The following ADAMTS9 variants were observed in gnomAD, a reference collection of about 807,000 sequenced individuals.
ADAMTS9 encodes A disintegrin and metalloproteinase with thrombospondin motifs 9.
A neutral mutation model predicts 257.1 loss-of-function variants in ADAMTS9; 107 were observed. The observed-to-expected ratio is 0.42, with a 90% CI of 0.36 to 0.49. The LOEUF is 0.49. Ranked by LOEUF, ADAMTS9 falls within the 20% of genes least tolerant of loss-of-function variation. The pLI is 0.03. For synonymous variants in ADAMTS9, 982 were observed against 880.9 expected (o/e 1.11, Z -2.03); for missense variants, 2,353 against 2,469.1 (o/e 0.95, Z 1.00).
chr3:64,542,212 T>C (rs1297904467), intron 32 of ADAMTS9, among the ~76,000 whole-genome samples: 1 of 139,786 alleles, frequency 7.2e-6, no homozygotes, highest in Non-Finnish European at 1.6e-5. Flanking sequence ...CACTTATATG[T>C]GTAATTTTAC....
At chr3:64,641,083 G>A (rs1342686422) in intron 12 of ADAMTS9, among the ~76,000 whole-genome samples, 1 of 151,744 alleles carries the variant, frequency 6.6e-6, no homozygotes, top group Non-Finnish European at 1.5e-5. Context: ...ACACATTATT[G>A]GTGGGAAAAA....
At chr3:64,536,323 G>A (rs1288079303) in intron 37 of ADAMTS9, among the ~76,000 whole-genome samples, 1 of 152,180 alleles carries the variant, frequency 6.6e-6, no homozygotes, top group Non-Finnish European at 1.5e-5. Context: ...GCTCTGCTCT[G>A]GGACATCTTT....
rs373061495 is a variant in ADAMTS9 at position 64,633,668 on chromosome 3, A to G, written c.2038+30T>C. The stretch of plus-strand genomic sequence containing the variant: ...GCCTGGCCTCAGTGCCGGCCGGCCA[A>G]CGGTGAACAGATACACCAGACACAC... On this transcript the variant is annotated intron_variant, in intron 13 of 39. Transcript: ENST00000498707. 1.1e-5 allele frequency: 17 copies of G among 1,613,820 alleles called. No homozygotes were observed. The South Asian group carries it at 1.6e-4, about 16-fold the overall frequency.
intron 27 of ADAMTS9, among the ~76,000 whole-genome samples, chr3:64,596,056 T>C (rs997423941): frequency 3.3e-5 from 5 of 152,206 alleles, no homozygotes; most frequent in Admixed American, 3.3e-4. Context: ...TACATTATAG[T>C]GGCAGTTAAT....
intron 28 of ADAMTS9, among the ~76,000 whole-genome samples, chr3:64,571,340 G>T (rs1365494117): frequency 6.6e-6 from 1 of 152,168 alleles, no homozygotes; most frequent in Admixed American, 6.5e-5. Context: ...TAACCACAAT[G>T]CTTTATATAG....
At chr3:64,675,703 C>T (rs911094715) in intron 3 of ADAMTS9, among the ~76,000 whole-genome samples, 10 of 152,152 alleles carry the variant, frequency 6.6e-5, no homozygotes, top group Admixed American at 5.9e-4. Context: ...TAGTATAGCA[C>T]ATTGGAAATA....
Position 64,658,493 on chromosome 3 carries a change from T to C in ADAMTS9, c.969+9A>G. 1 of 1,606,084 alleles carries C rather than the reference T, an allele frequency of 6.2e-7. No homozygotes were observed. Among genetic ancestry groups the C allele is most frequent in the Non-Finnish European group, 8.5e-7 (1 of 1,176,106 alleles). On this transcript the variant is annotated intron_variant, in intron 4 of 39. Transcript: ENST00000498707. ...ACCTCATAAATCACCTTCGTTTGAA[T>C]GTACTTACAATTGACATTAAAGTTA...
intron 28 of ADAMTS9, chr3:64,582,683 T>A (rs934895708): frequency 6.6e-6 from 1 of 152,190 alleles, no homozygotes; most frequent in Non-Finnish European, 1.5e-5. Flanking sequence ...AGGTCAAGGA[T>A]GCTGATAAGC....
intron 30 of ADAMTS9, among the ~76,000 whole-genome samples, chr3:64,559,473 C>T (rs1050863885): frequency 2.0e-5 from 3 of 152,184 alleles, no homozygotes; most frequent in African/African-American, 7.2e-5. Context: ...AAAGCGTGTT[C>T]CCAGGAGGGT....
chr3:64,529,915 C>A (rs949917448), intron 38 of ADAMTS9, among the ~76,000 whole-genome samples: 1 of 151,858 alleles, frequency 6.6e-6, no homozygotes, highest in Admixed American at 6.6e-5. Flanking sequence ...ACCACCCAGG[C>A]TCATCCTCAC....
At chr3:64,535,166 C>T (rs2083033997) in intron 37 of ADAMTS9, among the ~76,000 whole-genome samples, 1 of 152,050 alleles carries the variant, frequency 6.6e-6, no homozygotes, top group South Asian at 2.1e-4. Flanking sequence ...TCACCTGAGG[C>T]TGAGAGTTCA....
intron 38 of ADAMTS9, 36 bp from the exon 39 acceptor site, chr3:64,522,296 GGTTAAT>G: frequency 6.3e-7 from 1 of 1,594,774 alleles, no homozygotes; most frequent in Non-Finnish European, 8.6e-7. Flanking sequence ...CTGCCTGCTT[GGTTAAT>G]GCTTTCAGGG....
Position 64,686,749 on chromosome 3 carries a change from T to G in ADAMTS9, c.335A>C (p.Asn112Thr), listed in dbSNP as rs373736353. ...LSAFGQQFLF[N>T]LTANAGFIAP... Reference sequence around the variant, plus strand: ...GATAAATCCGGCATTGGCGGTGAGATTAAATAGAAACTGCTGGCCGAAGGC... The same window carrying G: ...GATAAATCCGGCATTGGCGGTGAGAGTAAATAGAAACTGCTGGCCGAAGGC... The change falls in exon 2 of 40, where the codon AAT becomes ACT. Residue 112 changes from asparagine (N) to threonine (T), a missense_variant. By Grantham distance (65) the Asn-to-Thr change is moderately conservative. Transcript: ENST00000498707. The surrounding 1 kb of genome is among the most constrained non-coding windows in gnomAD (Gnocchi z 4.6). 2 of 1,614,026 alleles carry G rather than the reference T, an allele frequency of 1.2e-6. No individual in the cohort carries two copies. The highest frequency in any genetic ancestry group is 1.3e-5 in the African/African-American group (1 of 74,980).
chr3:64,526,555 A>G lies in ADAMTS9; in HGVS notation c.5719-4295T>C, dbSNP rs187321507. Among the ~76,000 whole-genome samples, 30 of 152,264 alleles carry G rather than the reference A, an allele frequency of 2.0e-4. 1 individual carries two copies. The East Asian group carries it at 5.6e-3, about 28-fold the overall frequency. On this transcript the variant is annotated intron_variant, in intron 38 of 39. Transcript: ENST00000498707. ...CCAGACTAACTGGTCTTCAGTGAAG[A>G]ACTTTCTCACCTGGCTTAAGTATAG...
intron 29 of ADAMTS9, chr3:64,565,408 TAAGA>T (rs1329884941): frequency 6.6e-6 from 1 of 152,220 alleles, no homozygotes; most frequent in Non-Finnish European, 1.5e-5. Flanking sequence ...TTTGTAGCAC[TAAGA>T]AAGACAACAA....
At chr3:64,560,622 GATAATA>G (rs1052448682) in intron 30 of ADAMTS9, among the ~76,000 whole-genome samples, 1 of 152,050 alleles carries the variant, frequency 6.6e-6, no homozygotes, top group African/African-American at 2.4e-5. Flanking sequence ...ATGGGATGAT[GATAATA>G]ATAATAATGC....
Position 64,686,724 on chromosome 3 carries a change from G to C in ADAMTS9, c.360C>G (p.Ile120Met). ...GGAGGGTGACAGTGAACAGTGGAGC[G>C]ATAAATCCGGCATTGGCGGTGAGAT... ...LFNLTANAGF[I>M]APLFTVTLLG... Residue 120 changes from isoleucine (I) to methionine (M), a missense_variant, in exon 2 of 40, where the codon ATC becomes ATG. By Grantham distance (10) the Ile-to-Met change is conservative (BLOSUM62 1). This residue lies in a region of ADAMTS9 where 591 missense variants were observed against 569.6 expected (regional missense o/e 1.04). Transcript: ENST00000498707. The surrounding 1 kb of genome is among the most constrained non-coding windows in gnomAD (Gnocchi z 4.6). 6.2e-7 allele frequency: 1 copy of C among 1,614,206 alleles called. No individual in the cohort carries two copies. The highest frequency in any genetic ancestry group is 8.5e-7 in the Non-Finnish European group (1 of 1,180,036).
intron 32 of ADAMTS9, among the ~76,000 whole-genome samples, chr3:64,543,578 T>C (rs1275296881): frequency 6.6e-6 from 1 of 152,194 alleles, no homozygotes; most frequent in African/African-American, 2.4e-5. Flanking sequence ...CACTTCATGC[T>C]AAAAACTCTC....
chr3:64,681,170 T>A, intron 3 of ADAMTS9, 31 bp downstream of exon 3: 2 of 1,599,638 alleles, frequency 1.3e-6, no homozygotes, highest in Non-Finnish European at 1.7e-6. Flanking sequence ...CTCAAAGAGC[T>A]GGGCTCTCCG....
Sources: allele counts gnomAD v4.1 joint callset (sites outside exome capture counted in the v4.1 genomes callset), GRCh38; gene constraint gnomAD v4.1.1; regional missense constraint gnomAD v4.1.1; non-coding constraint Gnocchi (gnomAD v3.1); transcripts MANE v1.5; gene names NCBI Gene and HGNC (gene_info 2026-07-23, HGNC 2026-07-21).